Variants in COL13A1 observed in about 807,000 individuals in gnomAD.
COL13A1 encodes collagen type XIII alpha 1 chain.
A neutral mutation model predicts 130.9 loss-of-function variants in COL13A1; 89 were observed. That is an observed-to-expected ratio of 0.68 (90% CI 0.57 to 0.81). COL13A1 has a LOEUF of 0.81. Ranked by LOEUF, COL13A1 falls within the 30% of genes least tolerant of loss-of-function variation. COL13A1 has a pLI of 0.00. For synonymous variants in COL13A1, 402 were observed against 341.6 expected, an observed-to-expected ratio of 1.18 and a Z score of -1.95; for missense variants, 879 against 934.6, an observed-to-expected ratio of 0.94 and a Z score of 0.78.
chr10:69,851,205 G>T (rs1421802743), intron 2 of COL13A1, among the ~76,000 whole-genome samples: 2 of 152,218 alleles, frequency 1.3e-5, no homozygotes, highest in East Asian at 1.9e-4. Context: ...TGGGCTCAAT[G>T]AATACATCTG....
rs554329601 is a variant in COL13A1, at chr10:69,894,570, G to A, written c.622G>A (p.Gly208Arg). The A allele has an allele frequency of 6.2e-7, 1 of 1,614,008 alleles. No homozygotes were observed. The highest frequency in any genetic ancestry group is 1.3e-5 in the African/African-American group (1 of 75,062). The change falls in exon 11 of 41, where the codon GGA (glycine) becomes AGA (arginine). Residue 208 changes from glycine (G) to arginine (R), a missense_variant. Transcript: ENST00000645393. ...CCCACAGGGTCTGACGGGTCCCCCAGGACAGCCGGTTGGTACCTCATCCAT... is the reference window on the plus strand; with the variant it reads ...CCCACAGGGTCTGACGGGTCCCCCAAGACAGCCGGTTGGTACCTCATCCAT... The part of the protein sequence containing the change: ...KGDMGLTGPP[G>R]QPGPQGQKGE...
intron 37 of COL13A1, among the ~76,000 whole-genome samples, chr10:69,946,237 G>C (rs1477232306): frequency 1.3e-5 from 2 of 152,244 alleles, no homozygotes; most frequent in African/African-American, 4.8e-5. Flanking sequence ...GAGAGGACCA[G>C]GGCCTCTGCC....
At chr10:69,817,255 C>T (rs897958904) in intron 1 of COL13A1, among the ~76,000 whole-genome samples, 6 of 151,852 alleles carry the variant, frequency 4.0e-5, no homozygotes, top group East Asian at 1.9e-4. Context: ...GACTTGCTGG[C>T]GACAGGAGGG....
At chr10:69,892,132 C>T (rs1382402798) in intron 10 of COL13A1, among the ~76,000 whole-genome samples, 2 of 152,180 alleles carry the variant, frequency 1.3e-5, no homozygotes, top group East Asian at 1.9e-4. Context: ...GGGATAGATC[C>T]CCTGTCTGCC....
chr10:69,813,781 G>A (rs1308046329), intron 1 of COL13A1, among the ~76,000 whole-genome samples: 2 of 152,158 alleles, frequency 1.3e-5, no homozygotes, highest in Non-Finnish European at 2.9e-5. Flanking sequence ...CTACGAGTGG[G>A]CCTGTCCCTT....
Position 69,930,083 on chromosome 10 carries a change from A to T in COL13A1, c.1526A>T (p.Glu509Val), listed in dbSNP as rs774072050. ...GLPGPPGHDGEKGPRGKPGDM... is the reference protein window; with the variant it reads ...GLPGPPGHDGVKGPRGKPGDM... ...CCAGGCCCTCCAGGACACGATGGGG[A>T]AAAGGTATGAACAGACGTCCTCTGG... Residue 509 changes from glutamate to valine, a missense_variant, in exon 29 of 41, where the codon GAA becomes GTA. Physicochemically the swap from Glu to Val is moderately radical, Grantham distance 121. Coordinates refer to ENST00000645393, the MANE Select transcript of COL13A1 (RefSeq NM_001368882.1). 2.2e-5 allele frequency: 35 copies of T among 1,613,184 alleles called. No homozygotes were observed. Among genetic ancestry groups the T allele is most frequent in the Non-Finnish European group, 3.0e-5 (35 of 1,179,354 alleles).
intron 27 of COL13A1, among the ~76,000 whole-genome samples, chr10:69,927,856 G>T (rs1015947156): frequency 6.6e-6 from 1 of 152,186 alleles, no homozygotes; most frequent in Non-Finnish European, 1.5e-5. Flanking sequence ...GCTTCATTTG[G>T]AGACATTAAA....
rs76690122 is a variant in COL13A1 at position 69,871,176 on chromosome 10, G to T, written c.373-1008G>T. Among the ~76,000 whole-genome samples the T allele has an allele frequency of 3.5e-3, 526 of 152,184 alleles. 13 individuals carry two copies. The East Asian group carries it at 0.055, about 16-fold the overall frequency. ...GAAGTTTAGAAGCAAGAGGAAGAGG[G>T]CATTGGTTGAGCACTAAAGCTCTGG... On this transcript the variant is annotated intron_variant, in intron 3 of 40. Transcript: ENST00000645393.
chr10:69,946,877 T>C (rs1332278508), intron 37 of COL13A1, among the ~76,000 whole-genome samples: 1 of 152,112 alleles, frequency 6.6e-6, no homozygotes, highest in Non-Finnish European at 1.5e-5. Context: ...AACCTCAGCC[T>C]CCCAGGTTCA....
chr10:69,910,492 C>T (rs569184680), intron 17 of COL13A1, among the ~76,000 whole-genome samples: 3 of 152,228 alleles, frequency 2.0e-5, no homozygotes, highest in South Asian at 2.1e-4. Flanking sequence ...TAATGTCCAC[C>T]ACCACCCCCA....
Position 69,895,108 on chromosome 10 carries a change from C to T in COL13A1, c.657+407C>T, listed in dbSNP as rs117480833. 7.3e-3 allele frequency among the ~76,000 whole-genome samples: 1,105 copies of T among 152,354 alleles called. 4 individuals carry two copies. Among genetic ancestry groups the T allele is most frequent in the Middle Eastern group, 0.02 (6 of 294 alleles). On this transcript the variant is annotated intron_variant, in intron 12 of 40. Transcript: ENST00000645393. ...AATTTCTGATAGAGACACTGCTGTG[C>T]TTGCCCTTGGGCCGCTGGTACAGGG...
chr10:69,888,816 C>T (rs574529307), intron 9 of COL13A1, among the ~76,000 whole-genome samples: 4 of 152,288 alleles, frequency 2.6e-5, no homozygotes, highest in Admixed American at 6.5e-5. Context: ...CTCCTCTCTT[C>T]GTTCATTTCA....
intron 17 of COL13A1, among the ~76,000 whole-genome samples, chr10:69,916,753 C>G (rs1453812252): frequency 6.6e-6 from 1 of 152,136 alleles, no homozygotes; most frequent in Non-Finnish European, 1.5e-5. Flanking sequence ...GACACATGCC[C>G]TTGGGGAGAG....
At chr10:69,844,841 C>A (rs1852567965) in intron 2 of COL13A1, among the ~76,000 whole-genome samples, 1 of 152,230 alleles carries the variant, frequency 6.6e-6, no homozygotes, top group African/African-American at 2.4e-5. Context: ...TCAATTATAG[C>A]AGCAATGGGG....
intron 2 of COL13A1, among the ~76,000 whole-genome samples, chr10:69,850,002 C>T (rs544574848): frequency 1.1e-4 from 17 of 152,216 alleles, no homozygotes; most frequent in East Asian, 1.9e-4. Flanking sequence ...CACATCAAAG[C>T]GGGATTTGCA....
At position 69,915,170 on chromosome 10, in the gene COL13A1, A is replaced by G. The variant is rs553219832; in HGVS notation, c.922-2119A>G. ...TTAGCTTACTTGTGAAGCAAGAATAACGTCCACTCCCACATTGGAAGGGAT... is the reference window on the plus strand; with the variant it reads ...TTAGCTTACTTGTGAAGCAAGAATAGCGTCCACTCCCACATTGGAAGGGAT... On this transcript the variant is annotated intron_variant, in intron 17 of 40. Coordinates refer to ENST00000645393, the MANE Select transcript of COL13A1 (RefSeq NM_001368882.1). Among the ~76,000 whole-genome samples, 3 of 152,346 alleles carry G rather than the reference A, an allele frequency of 2.0e-5. No individual in the cohort carries two copies. In the South Asian group the frequency reaches 6.2e-4, roughly 32 times the overall value.
Position 69,838,425 on chromosome 10 carries a change from A to G in COL13A1, c.364+15987A>G, listed in dbSNP as rs117888181. The stretch of plus-strand genomic sequence containing the variant: ...GAGCTGCAGCTTTCTTACCTCTAAG[A>G]TAGGGATCATGACAACCTCTACCTC... On this transcript the variant is annotated intron_variant, in intron 2 of 40. Coordinates refer to ENST00000645393, the MANE Select transcript of COL13A1 (RefSeq NM_001368882.1). Among the ~76,000 whole-genome samples, 56 of 152,296 alleles carry G rather than the reference A, an allele frequency of 3.7e-4. No homozygotes were observed. The East Asian group carries it at 9.5e-3, about 26-fold the overall frequency.
At chr10:69,846,204 A>C (rs1852999589) in intron 2 of COL13A1, among the ~76,000 whole-genome samples, 1 of 152,382 alleles carries the variant, frequency 6.6e-6, no homozygotes, top group Middle Eastern at 3.4e-3. Flanking sequence ...AGAGCAGCCC[A>C]GCCCTCGGTA....
chr10:69,945,737 G>A lies in COL13A1; in HGVS notation c.2022+13G>A. The A allele has an allele frequency of 1.9e-6, 3 of 1,609,180 alleles. No individual in the cohort carries two copies. The highest frequency in any genetic ancestry group is 2.5e-6 in the Non-Finnish European group (3 of 1,177,842). On this transcript the variant is annotated intron_variant, in intron 37 of 40. Coordinates refer to ENST00000645393, the MANE Select transcript of COL13A1 (RefSeq NM_001368882.1). The stretch of plus-strand genomic sequence containing the variant: ...AGCTGGGCTTCCTGTGAGTCTCTTG[G>A]GATCAGAGGTTCCTCTCCTCCCACC...
Sources: allele counts gnomAD v4.1 joint callset (sites outside exome capture counted in the v4.1 genomes callset), GRCh38; gene constraint gnomAD v4.1.1; transcripts MANE v1.5; gene names NCBI Gene and HGNC (gene_info 2026-07-23, HGNC 2026-07-21).